DMD: variants seen among roughly 807,000 people sequenced by gnomAD.
The protein encoded by DMD is dystrophin.
In DMD, 63 loss-of-function variants were observed where a neutral mutation model predicts 330.1. The ratio of observed to expected loss-of-function variants is 0.19; its 90% CI spans 0.16 to 0.24. The LOEUF is 0.24. Ranked by LOEUF, DMD falls within the 10% of genes least tolerant of loss-of-function variation. The pLI, the probability that DMD is intolerant of heterozygous loss-of-function variation, is 1.00. For missense variants in DMD, 3,344 were observed against 2,684.1 expected (o/e 1.25, Z -5.43); for synonymous variants, 1,223 against 959.8 (o/e 1.27, Z -5.07).
intron 62 of DMD, among the ~76,000 whole-genome samples, chrX:31,317,603 C>T (rs1158805697): frequency 3.7e-5 from 4 of 107,441 alleles, no homozygotes; most frequent in Non-Finnish European, 7.7e-5. Flanking sequence ...GCTCCGCTTC[C>T]CGGGTTTACG....
At chrX:32,619,654 G>C (rs2057843012) in intron 11 of DMD, among the ~76,000 whole-genome samples, 1 of 111,544 alleles carries the variant, frequency 9.0e-6, no homozygotes, top group African/African-American at 3.3e-5. Flanking sequence ...ATAAAAGTTG[G>C]GTCTGTTGAG....
intron 62 of DMD, among the ~76,000 whole-genome samples, chrX:31,281,000 A>G (rs1415748007): frequency 1.8e-5 from 2 of 111,698 alleles, no homozygotes; most frequent in Non-Finnish European, 3.8e-5. Flanking sequence ...ACTTCCACAT[A>G]TCTAGCTCAA....
chrX:32,364,729 T>C lies in DMD; in HGVS notation c.5026-19A>G, dbSNP rs2097848449. ...GGTATTCCTTAATTGTACAGAGACATACCATGGCATTATTGGTTAGACAAT... is the reference window on the plus strand; with the variant it reads ...GGTATTCCTTAATTGTACAGAGACACACCATGGCATTATTGGTTAGACAAT... On this transcript the variant is annotated intron_variant, in intron 35 of 78. Coordinates refer to ENST00000357033, the MANE Select transcript of DMD (RefSeq NM_004006.3). The C allele has an allele frequency of 2.5e-6, 3 of 1,202,039 alleles. No individual in the cohort carries two copies. Among genetic ancestry groups the C allele is most frequent in the Non-Finnish European group, 3.4e-6 (3 of 887,874 alleles).
At chrX:31,730,631 T>C (rs1439047367) in intron 51 of DMD, among the ~76,000 whole-genome samples, 1 of 111,545 alleles carries the variant, frequency 9.0e-6, no homozygotes, top group African/African-American at 3.2e-5. Context: ...TATGAAGAAA[T>C]TTATGAAAAA....
chrX:31,593,201 T>C lies in DMD; in HGVS notation c.8217+34472A>G, dbSNP rs147156496. 7.8e-3 allele frequency among the ~76,000 whole-genome samples: 865 copies of C among 111,269 alleles called. 7 individuals are homozygous for C. The highest frequency in any genetic ancestry group is 0.027 in the African/African-American group (815 of 30,731). ...AGTGGAAATTTTTATTGCCTCCGTA[T>C]TACAGAGGAGAAAATGGTGGCACAC... On this transcript the variant is annotated intron_variant, in intron 55 of 78. Coordinates refer to ENST00000357033, the MANE Select transcript of DMD (RefSeq NM_004006.3).
intron 55 of DMD, among the ~76,000 whole-genome samples, chrX:31,529,379 T>C (rs1386914367): frequency 9.0e-6 from 1 of 110,592 alleles, no homozygotes; most frequent in Non-Finnish European, 1.9e-5. Context: ...AGCAAGACTC[T>C]GTCTCTAAAA....
At chrX:32,729,683 G>C (rs781119443) in intron 7 of DMD, among the ~76,000 whole-genome samples, 1 of 111,721 alleles carries the variant, frequency 9.0e-6, no homozygotes, top group Non-Finnish European at 1.9e-5. Flanking sequence ...ATGAAGAAGT[G>C]TATATTTGTA....
At chrX:32,226,953 A>C (rs776811129) in intron 43 of DMD, among the ~76,000 whole-genome samples, 144 of 109,463 alleles carry the variant, frequency 1.3e-3, no homozygotes, top group Non-Finnish European at 2.2e-3. Context: ...ATGATTCTTA[A>C]AGATAAATAA....
At chrX:32,029,507 A>G (rs919412567) in intron 44 of DMD, among the ~76,000 whole-genome samples, 1 of 111,416 alleles carries the variant, frequency 9.0e-6, no homozygotes, top group African/African-American at 3.3e-5. Flanking sequence ...GATCTAGAAG[A>G]TCACAGTAAG....
chrX:32,599,286 A>G (rs889051994), intron 12 of DMD, among the ~76,000 whole-genome samples: 2 of 111,863 alleles, frequency 1.8e-5, no homozygotes, highest in Admixed American at 1.9e-4. Context: ...GATTCTTACA[A>G]GTAGCAGAAA....
intron 1 of DMD, among the ~76,000 whole-genome samples, chrX:33,208,728 T>C (rs1239023066): frequency 9.0e-6 from 1 of 110,766 alleles, no homozygotes; most frequent in African/African-American, 3.3e-5. Flanking sequence ...ACCAAAATAC[T>C]GTGTTTCTTG....
At chrX:32,997,248 A>ATTT (rs375762177) in intron 2 of DMD, among the ~76,000 whole-genome samples, 3,215 of 98,625 alleles carry the variant, frequency 0.033, 119 homozygotes, top group East Asian at 0.19. Context: ...GCCTCCCGCC[A>ATTT]TTTTTTTTTT....
intron 1 of DMD, among the ~76,000 whole-genome samples, chrX:33,131,626 C>T (rs183557503): frequency 2.4e-4 from 27 of 111,939 alleles, no homozygotes. Flanking sequence ...ACAAACTTAC[C>T]ATTCAGGCAA....
At chrX:32,285,568 C>A (rs1226921585) in intron 43 of DMD, among the ~76,000 whole-genome samples, 3 of 111,617 alleles carry the variant, frequency 2.7e-5, no homozygotes, top group Admixed American at 9.5e-5. Context: ...CATGAGCCAC[C>A]ATTTTATAAG....
At chrX:32,100,092 C>T (rs944890156) in intron 44 of DMD, among the ~76,000 whole-genome samples, 3 of 109,996 alleles carry the variant, frequency 2.7e-5, no homozygotes, top group Non-Finnish European at 3.8e-5. Context: ...TATTTGTAAT[C>T]AAATTTGTTA....
Position 32,696,402 on chromosome X carries a change from T to C in DMD, c.960+1468A>G, listed in dbSNP as rs189971880. The stretch of plus-strand genomic sequence containing the variant: ...TCTTGTGATTTGTGCTGTGTCTTTT[T>C]TAAATGATAAACATTACATTTATTT... On this transcript the variant is annotated intron_variant, in intron 9 of 78. Coordinates refer to ENST00000357033, the MANE Select transcript of DMD (RefSeq NM_004006.3). Among the ~76,000 whole-genome samples the C allele has an allele frequency of 1.9e-3, 214 of 112,649 alleles. 2 individuals are homozygous for C. Among genetic ancestry groups the C allele is most frequent in the African/African-American group, 6.7e-3 (208 of 31,058 alleles).
chrX:31,867,821 T>G (rs1312347985), intron 48 of DMD, among the ~76,000 whole-genome samples: 1 of 110,976 alleles, frequency 9.0e-6, no homozygotes. Context: ...ATGTCATCAG[T>G]CCTAACTCCA....
intron 57 of DMD, among the ~76,000 whole-genome samples, chrX:31,489,873 A>C (rs940719053): frequency 8.9e-6 from 1 of 112,148 alleles, no homozygotes; most frequent in Non-Finnish European, 1.9e-5. Context: ...CAGGACATCA[A>C]AATATTTTGA....
intron 60 of DMD, among the ~76,000 whole-genome samples, chrX:31,434,711 C>T (rs2064384653): frequency 9.0e-6 from 1 of 110,998 alleles, no homozygotes; most frequent in African/African-American, 3.3e-5. Context: ...GGAGGATTTC[C>T]GTTCACTTCA....
Sources: gnomAD v4.1 joint callset for allele counts (sites outside exome capture counted in the v4.1 genomes callset) on GRCh38, gnomAD v4.1.1 for gene constraint, MANE v1.5 for transcripts, NCBI Gene and HGNC (gene_info 2026-07-23, HGNC 2026-07-21) for gene names.